Variants in USP40 observed in about 807,000 individuals in gnomAD.
The protein encoded by USP40 is ubiquitin carboxyl-terminal hydrolase 40.
Under a neutral mutation model 166.2 loss-of-function variants are expected in USP40, and 143 were observed. The observed-to-expected ratio is 0.86, with a 90% confidence interval of 0.75 to 0.99. The LOEUF is 0.99. USP40 is among the 50% of genes least tolerant of loss of function. The pLI is 0.00. For missense variants in USP40, 1,444 were observed against 1,479.7 expected (o/e 0.98, Z 0.40); for synonymous variants, 498 against 524.0 (o/e 0.95, Z 0.68).
rs954328794 is a variant in USP40 at position 233,527,499 on chromosome 2, G to A, written c.1633C>T (p.Leu545=). The change falls in exon 13 of 32, where the codon CTG becomes TTG. Residue 545 remains leucine, a synonymous_variant. Transcript: ENST00000678225. The stretch of plus-strand genomic sequence containing the variant: ...TCTGTTTGAGAGACTACTGGGTGCA[G>A]AGCCCCATTGAAGAAATGATACTGA... The part of the protein sequence containing the change: ...GPQYHFFNGA[L]HPVVSQTESV... 5 of 1,613,760 alleles carry A rather than the reference G, an allele frequency of 3.1e-6. No homozygotes were observed. The South Asian group carries it at 5.5e-5, about 18-fold the overall frequency.
intron 21 of USP40, among the ~76,000 whole-genome samples, chr2:233,509,672 C>T (rs1269661577): frequency 6.6e-6 from 1 of 151,778 alleles, no homozygotes; most frequent in Non-Finnish European, 1.5e-5. Context: ...GAAACCCCAT[C>T]TCTACTAAAA....
chr2:233,503,779 A>G (rs1202717186), intron 21 of USP40, among the ~76,000 whole-genome samples: 2 of 152,218 alleles, frequency 1.3e-5, no homozygotes, highest in Non-Finnish European at 1.5e-5. Flanking sequence ...AGGGAGCACT[A>G]CAACTGGAAA....
intron 30 of USP40, among the ~76,000 whole-genome samples, chr2:233,485,067 T>A (rs1204208118): frequency 6.6e-6 from 1 of 152,194 alleles, no homozygotes; most frequent in Non-Finnish European, 1.5e-5. Context: ...TGCTCTAAGT[T>A]CTTTTTTAAA....
chr2:233,516,862 GAA>G (rs774667692), intron 18 of USP40, among the ~76,000 whole-genome samples: 18 of 112,996 alleles, frequency 1.6e-4, no homozygotes, highest in Admixed American at 2.8e-4. Flanking sequence ...GTCTCGAATT[GAA>G]AAAAAAAAAA....
At chr2:233,502,052 A>T (rs1314780710) in intron 21 of USP40, among the ~76,000 whole-genome samples, 10 of 152,242 alleles carry the variant, frequency 6.6e-5, no homozygotes. Flanking sequence ...AGAGCAAGTA[A>T]CATGAAGAGT....
chr2:233,532,005 A>AT, intron 11 of USP40, among the ~76,000 whole-genome samples: 2 of 152,188 alleles, frequency 1.3e-5, no homozygotes, highest in Admixed American at 1.3e-4. Context: ...AAGTAACACA[A>AT]GGACCAGAGG....
chr2:233,533,858 T>A, intron 10 of USP40, 79 bp from the exon 11 acceptor site: 1 of 1,335,338 alleles, frequency 7.5e-7, no homozygotes, highest in Middle Eastern at 2.6e-4. Flanking sequence ...GTTTTCTTCC[T>A]TTCTGTGATT....
intron 21 of USP40, among the ~76,000 whole-genome samples, chr2:233,500,622 C>T (rs909006427): frequency 3.3e-5 from 5 of 151,980 alleles, no homozygotes; most frequent in Non-Finnish European, 5.9e-5. Flanking sequence ...AAAAACCCCA[C>T]CAAAATACAC....
chr2:233,483,991 C>A (rs1435921399), intron 30 of USP40, among the ~76,000 whole-genome samples: 1 of 152,106 alleles, frequency 6.6e-6, no homozygotes, highest in Non-Finnish European at 1.5e-5. Context: ...GGCTTTCCAC[C>A]CTGTCCATGA....
At chr2:233,478,570 C>T (rs2064334308) in intron 31 of USP40, among the ~76,000 whole-genome samples, 1 of 152,212 alleles carries the variant, frequency 6.6e-6, no homozygotes, top group South Asian at 2.1e-4. Context: ...TCTGACCTAG[C>T]AATTCCATTG....
chr2:233,511,786 A>T lies in USP40; in HGVS notation c.2449T>A (p.Tyr817Asn), dbSNP rs753929486. The T allele has an allele frequency of 6.2e-7, 1 of 1,609,744 alleles. No individual in the cohort carries two copies. Among genetic ancestry groups the T allele is most frequent in the Non-Finnish European group, 8.5e-7 (1 of 1,178,108 alleles). Residue 817 changes from tyrosine (Y) to asparagine (N), a missense_variant, in exon 20 of 32, where the codon TAT (tyrosine) becomes AAT (asparagine). Transcript: ENST00000678225. ...TTCAATTCTGCTTCCTTCAAAGTAT[A>T]GCTGTCCGGCACTTAAAAAAATTTT... ...GKLLCPVPDS[Y>N]TLKEAELKMG...
chr2:233,490,456 G>A (rs953926882), intron 26 of USP40, among the ~76,000 whole-genome samples: 2 of 152,048 alleles, frequency 1.3e-5, no homozygotes, highest in Non-Finnish European at 2.9e-5. Context: ...ATAGGCATGA[G>A]CCACCACACC....
intron 7 of USP40, among the ~76,000 whole-genome samples, chr2:233,550,376 T>C (rs1201342570): frequency 6.6e-6 from 1 of 152,164 alleles, no homozygotes; most frequent in Non-Finnish European, 1.5e-5. Context: ...TGACAAACTA[T>C]CTTTTATAAA....
chr2:233,542,486 G>A, intron 8 of USP40, 123 bp from the exon 9 acceptor site: 2 of 588,154 alleles, frequency 3.4e-6, no homozygotes, highest in South Asian at 4.2e-5. Context: ...CGAGGCAGAG[G>A]GACTGCTTGA....
At chr2:233,492,238 T>C (rs1247717804) in intron 25 of USP40, among the ~76,000 whole-genome samples, 1 of 152,244 alleles carries the variant, frequency 6.6e-6, no homozygotes, top group East Asian at 1.9e-4. Context: ...TACAGGTCTG[T>C]AGCCTATGAG....
intron 10 of USP40, among the ~76,000 whole-genome samples, chr2:233,539,191 C>T (rs181692459): frequency 1.2e-3 from 169 of 142,360 alleles, no homozygotes; most frequent in African/African-American, 4.2e-3. Flanking sequence ...TTAAAAATTC[C>T]TCAGTAATTA....
At chr2:233,566,629 T>TGTCCCTACGCTTCCCAC in intron 1 of USP40, 55 bp downstream of exon 1, 1 of 951,272 alleles carries the variant, frequency 1.1e-6, no homozygotes, top group African/African-American at 1.8e-5. Context: ...CCACCAACAC[T>TGTCCCTACGCTTCCCAC]GTCCCTACGC....
At position 233,510,107 on chromosome 2, in the gene USP40, T is replaced by C. The variant is rs2066702710; in HGVS notation, c.2555A>G (p.Asp852Gly). 3.1e-6 allele frequency: 5 copies of C among 1,604,646 alleles called. No homozygotes were observed. Among genetic ancestry groups the C allele is most frequent in the Non-Finnish European group, 4.3e-6 (5 of 1,175,106 alleles). Residue 852 changes from aspartate (D) to glycine (G), a missense_variant, in exon 21 of 32, where the codon GAC (aspartate) becomes GGC (glycine). Asp to Gly is a moderately conservative substitution (Grantham distance 94). Coordinates refer to ENST00000678225, the MANE Select transcript of USP40 (RefSeq NM_001365479.2). ...TTCCATTTCTGTCCCAGGTTGAACG[T>C]CACTCCCCATTGCAAAAAACAGGAA... is the stretch of plus-strand genomic sequence containing the variant. ...QLFLFFAMGS[D>G]VQPGTEMEIV...
intron 3 of USP40, 32 bp from the exon 4 acceptor site, chr2:233,559,956 ATTCT>A: frequency 6.6e-7 from 1 of 1,517,740 alleles, no homozygotes; most frequent in Non-Finnish European, 9.0e-7. Context: ...TTCTAAATGA[ATTCT>A]TTAAGTGTTG....
Sources: allele counts gnomAD v4.1 joint callset (sites outside exome capture counted in the v4.1 genomes callset), GRCh38; gene constraint gnomAD v4.1.1; transcripts MANE v1.5; gene names NCBI Gene and HGNC (gene_info 2026-07-23, HGNC 2026-07-21).